Variants in ATCAY observed in about 807,000 individuals in gnomAD.
ATCAY encodes ATCAY kinesin light chain interacting caytaxin.
A neutral mutation model predicts 47.7 loss-of-function variants in ATCAY; 22 were observed. The observed-to-expected ratio is 0.46, with a 90% CI of 0.33 to 0.66. The LOEUF is 0.66. ATCAY is among the 30% of genes least tolerant of loss of function. ATCAY has a pLI of 0.02. For synonymous variants in ATCAY, 216 were observed against 207.6 expected (o/e 1.04, Z -0.35); for missense variants, 452 against 515.0 (o/e 0.88, Z 1.18).
At chr19:3,906,300 G>A (rs987334703) in intron 4 of ATCAY, among the ~76,000 whole-genome samples, 1 of 149,234 alleles carries the variant, frequency 6.7e-6, no homozygotes, top group Non-Finnish European at 1.5e-5. Context: ...CCGCTCCTGC[G>A]ACTGTTTTTT....
chr19:3,905,531 C>T lies in ATCAY; in HGVS notation c.234C>T (p.Ser78=), dbSNP rs1468376316. The T allele has an allele frequency of 6.2e-7, 1 of 1,613,932 alleles. No individual in the cohort carries two copies. The change falls in exon 4 of 13, where the codon TCC becomes TCT. Residue 78 remains serine (S), a synonymous_variant. Coordinates refer to ENST00000450849, the MANE Select transcript of ATCAY (RefSeq NM_033064.5). ...INISLDQSEG[S]LLSDDFLDTP... is the part of the protein sequence containing the mutation. ...TTTCTCTGGATCAGAGTGAGGGGTC[C>T]CTGCTGTCCGATGACTTCTTGGATA... is the stretch of plus-strand genomic sequence containing the variant.
chr19:3,904,165 CAA>C (rs977708036), intron 3 of ATCAY, among the ~76,000 whole-genome samples: 1 of 150,602 alleles, frequency 6.6e-6, no homozygotes, highest in Non-Finnish European at 1.5e-5. Flanking sequence ...CAAAACAAAA[CAA>C]AAAAAGATTA....
At chr19:3,885,888 G>A (rs2038647215) in intron 2 of ATCAY, 44 bp downstream of exon 2, 5 of 1,535,070 alleles carry the variant, frequency 3.3e-6, no homozygotes, top group African/African-American at 1.4e-5. Context: ...GGGAGCAGGT[G>A]TCTCTCCCAG....
At position 3,907,558 on chromosome 19, in the gene ATCAY, C is replaced by T. The variant is rs1211593406; in HGVS notation, c.359-176C>T. On this transcript the variant is annotated intron_variant, in intron 4 of 12. Transcript: ENST00000450849. The surrounding 1 kb of genome is among the most constrained non-coding windows in gnomAD (Gnocchi z 5.1). ...TGGAGGAGGCGGCATTTGAGCCAGG[C>T]CTTGAAAGGGGAGTAGGAGAGGAAA... Among the ~76,000 whole-genome samples, 2 of 152,118 alleles carry T rather than the reference C, an allele frequency of 1.3e-5. No individual in the cohort carries two copies. Among genetic ancestry groups the T allele is most frequent in the African/African-American group, 2.4e-5 (1 of 41,440 alleles).
At chr19:3,908,008 G>A (rs2038880319) in intron 5 of ATCAY, 89 bp downstream of exon 5, 1 of 1,474,380 alleles carries the variant, frequency 6.8e-7, no homozygotes, top group Non-Finnish European at 9.3e-7. Flanking sequence ...CTGATGCACG[G>A]GGATGTTAAG....
rs1303761690 is a variant in ATCAY at position 3,918,790 on chromosome 19, TTCTC to T, written c.1002-12_1002-9del. 1.9e-6 allele frequency: 3 copies of T among 1,613,712 alleles called. No homozygotes were observed. The highest frequency in any genetic ancestry group is 1.3e-5 in the African/African-American group (1 of 74,932). On this transcript the variant is annotated splice_polypyrimidine_tract_variant and intron_variant, in intron 10 of 12. Coordinates refer to ENST00000450849, the MANE Select transcript of ATCAY (RefSeq NM_033064.5). ...TGGGCTAGTCACCCTTGTCACCTCG[TTCTC>T]TCTGTCCACAGCGCGAGGCCCCAGC...
intron 12 of ATCAY, among the ~76,000 whole-genome samples, chr19:3,922,379 G>T (rs1042236013): frequency 9.8e-5 from 15 of 152,338 alleles, no homozygotes; most frequent in African/African-American, 3.6e-4. Flanking sequence ...TCACCAGGCA[G>T]CAGGAGCGAG....
rs965337416 is a variant in ATCAY at position 3,912,532 on chromosome 19, G to A, written c.867-1226G>A. Among the ~76,000 whole-genome samples the A allele has an allele frequency of 7.9e-5, 12 of 151,998 alleles. 1 individual carries two copies. Among genetic ancestry groups the A allele is most frequent in the African/African-American group, 2.2e-4 (9 of 41,488 alleles). On this transcript the variant is annotated intron_variant, in intron 8 of 12. Transcript: ENST00000450849. Reference sequence around the variant, plus strand: ...TCATCGTGTTAGCCAGGATGGTCTCGATCTCCTGACTTCGTGATCCGCCTG... The same window carrying A: ...TCATCGTGTTAGCCAGGATGGTCTCAATCTCCTGACTTCGTGATCCGCCTG...
chr19:3,888,605 G>A (rs1419172880), intron 2 of ATCAY, among the ~76,000 whole-genome samples: 17 of 152,178 alleles, frequency 1.1e-4, no homozygotes, highest in Non-Finnish European at 1.5e-4. Flanking sequence ...ACTCCAGCCC[G>A]GGCAGTAGAG....
At chr19:3,905,751 G>C (rs2145244253) in intron 4 of ATCAY, 96 bp downstream of exon 4, 3 of 1,146,892 alleles carry the variant, frequency 2.6e-6, no homozygotes, top group South Asian at 1.5e-5. Context: ...AGTCACAAGT[G>C]GGGCAGGGGC....
intron 8 of ATCAY, among the ~76,000 whole-genome samples, chr19:3,911,563 A>G (rs1419889127): frequency 9.9e-6 from 1 of 101,372 alleles, no homozygotes; most frequent in Non-Finnish European, 1.9e-5. Context: ...GTATAAATAA[A>G]TAAATAATAT....
chr19:3,895,162 A>G (rs1424596250), intron 2 of ATCAY: 1 of 456,126 alleles, frequency 2.2e-6, no homozygotes, highest in Non-Finnish European at 4.4e-6. Context: ...GGAACCACCA[A>G]GTCCAAAATC....
At chr19:3,903,546 C>T (rs1020999479) in intron 3 of ATCAY, among the ~76,000 whole-genome samples, 4 of 151,690 alleles carry the variant, frequency 2.6e-5, no homozygotes, top group African/African-American at 7.3e-5. Flanking sequence ...TTTTTGGAGA[C>T]AGAGCCTCAC....
chr19:3,909,842 T>A (rs757458545), intron 7 of ATCAY, among the ~76,000 whole-genome samples: 1 of 152,118 alleles, frequency 6.6e-6, no homozygotes, highest in Non-Finnish European at 1.5e-5. Context: ...CCCAGCACTT[T>A]GGGAGGCCAA....
intron 12 of ATCAY, among the ~76,000 whole-genome samples, chr19:3,922,628 C>T (rs1404756899): frequency 1.3e-5 from 2 of 152,212 alleles, no homozygotes; most frequent in Non-Finnish European, 2.9e-5. Flanking sequence ...ACACTCCAGC[C>T]AGGATGCTCC....
intron 2 of ATCAY, among the ~76,000 whole-genome samples, chr19:3,894,936 A>G (rs1555766984): frequency 7.5e-6 from 1 of 133,200 alleles, no homozygotes; most frequent in Non-Finnish European, 1.6e-5. Context: ...GCAACAGAGC[A>G]AGACCCTGTC....
intron 2 of ATCAY, among the ~76,000 whole-genome samples, chr19:3,892,790 C>T (rs1006155387): frequency 2.6e-5 from 4 of 152,054 alleles, no homozygotes; most frequent in African/African-American, 4.8e-5. Context: ...CACCTGTAAT[C>T]CCAGCTACTG....
chr19:3,890,247 ATTTTTTTTTTTTTT>A (rs764697276), intron 2 of ATCAY, among the ~76,000 whole-genome samples: 12 of 38,572 alleles, frequency 3.1e-4, no homozygotes, highest in African/African-American at 1.5e-3. Flanking sequence ...TCCACCTATA[ATTTTTTTTTTTTTT>A]TTTTTTTTTT....
intron 3 of ATCAY, among the ~76,000 whole-genome samples, chr19:3,903,737 C>T (rs528973230): frequency 2.0e-5 from 3 of 151,776 alleles, no homozygotes; most frequent in East Asian, 2.0e-4. Flanking sequence ...GTTGCCCAGG[C>T]TGCTCTTGAA....
Sources: gnomAD v4.1 joint callset for allele counts (sites outside exome capture counted in the v4.1 genomes callset) on GRCh38, gnomAD v4.1.1 for gene constraint, Gnocchi (gnomAD v3.1) non-coding constraint, MANE v1.5 for transcripts, NCBI Gene and HGNC (gene_info 2026-07-23, HGNC 2026-07-21) for gene names.